The following STK39 variants were observed in gnomAD, a reference collection of about 807,000 sequenced individuals.
STK39 encodes serine/threonine kinase 39.
In STK39, 20 loss-of-function variants were observed where a neutral mutation model predicts 77.8. That is an observed-to-expected ratio of 0.26 (90% CI 0.18 to 0.37). The LOEUF is 0.37. Ranked by LOEUF, STK39 falls within the 10% of genes least tolerant of loss-of-function variation. STK39 has a pLI of 1.00. For missense variants in STK39, 479 were observed against 656.5 expected, an observed-to-expected ratio of 0.73 and a Z score of 2.95; for synonymous variants, 246 against 234.1, an observed-to-expected ratio of 1.05 and a Z score of -0.47.
intron 8 of STK39, among the ~76,000 whole-genome samples, chr2:168,136,907 A>C (rs1298895465): frequency 6.6e-6 from 1 of 152,262 alleles, no homozygotes; most frequent in African/African-American, 2.4e-5. Flanking sequence ...AGGTATGACA[A>C]AATAATCATC....
chr2:168,016,167 A>T (rs1684398741), intron 15 of STK39, among the ~76,000 whole-genome samples: 1 of 152,062 alleles, frequency 6.6e-6, no homozygotes, highest in Non-Finnish European at 1.5e-5. Flanking sequence ...GCCTCAAGTG[A>T]TCCACCCACC....
chr2:168,033,241 C>T (rs1320890095), intron 14 of STK39, among the ~76,000 whole-genome samples: 1 of 150,104 alleles, frequency 6.7e-6, no homozygotes, highest in East Asian at 1.9e-4. Context: ...CAAGTAACAC[C>T]AGCAAAAAGA....
intron 1 of STK39, among the ~76,000 whole-genome samples, chr2:168,230,437 C>G (rs2105259294): frequency 6.6e-6 from 1 of 152,330 alleles, no homozygotes; most frequent in Middle Eastern, 3.4e-3. Context: ...GGCCAGCCAA[C>G]AGCCACCACC....
chr2:168,197,792 T>C (rs1440933420), intron 1 of STK39, among the ~76,000 whole-genome samples: 1 of 152,146 alleles, frequency 6.6e-6, no homozygotes, highest in Non-Finnish European at 1.5e-5. Flanking sequence ...TCCCAGCACT[T>C]TGGGAGGCTG....
chr2:168,198,910 A>G (rs1689541944), intron 1 of STK39, among the ~76,000 whole-genome samples: 1 of 152,226 alleles, frequency 6.6e-6, no homozygotes, highest in African/African-American at 2.4e-5. Context: ...AGGGAGAGAG[A>G]TTACTATACT....
chr2:168,143,033 T>A (rs539099541), intron 5 of STK39, among the ~76,000 whole-genome samples: 2 of 152,170 alleles, frequency 1.3e-5, no homozygotes, highest in Non-Finnish European at 2.9e-5. Context: ...AAGGGGTACA[T>A]CTATACAGCC....
At chr2:168,002,575 T>C (rs1007074928) in intron 16 of STK39, among the ~76,000 whole-genome samples, 1 of 152,204 alleles carries the variant, frequency 6.6e-6, no homozygotes. Context: ...TTTAGTTTTC[T>C]AGGAATTCTT....
intron 10 of STK39, among the ~76,000 whole-genome samples, chr2:168,086,974 C>A (rs1686384423): frequency 6.6e-6 from 1 of 152,184 alleles, no homozygotes; most frequent in Admixed American, 6.5e-5. Flanking sequence ...AAAGCAGAAT[C>A]CAATTTTGTA....
chr2:168,234,731 T>A (rs1271829681), intron 1 of STK39, among the ~76,000 whole-genome samples: 1 of 152,218 alleles, frequency 6.6e-6, no homozygotes, highest in Non-Finnish European at 1.5e-5. Flanking sequence ...ACATGTTACA[T>A]AAACATGCCC....
At chr2:168,021,724 T>C (rs1372252916) in intron 14 of STK39, among the ~76,000 whole-genome samples, 1 of 152,038 alleles carries the variant, frequency 6.6e-6, no homozygotes, top group Non-Finnish European at 1.5e-5. Context: ...TTTGGTAAGG[T>C]ACAGCCTCTT....
chr2:168,168,607 A>T (rs921732360), intron 2 of STK39, among the ~76,000 whole-genome samples: 1 of 152,210 alleles, frequency 6.6e-6, no homozygotes, highest in Non-Finnish European at 1.5e-5. Context: ...CCTAATCCTC[A>T]TACTACTAAA....
At chr2:168,074,294 C>T (rs1012395524) in intron 12 of STK39, among the ~76,000 whole-genome samples, 1 of 152,210 alleles carries the variant, frequency 6.6e-6, no homozygotes, top group African/African-American at 2.4e-5. Context: ...ACATTAATTA[C>T]TAGGTCTGTA....
intron 10 of STK39, among the ~76,000 whole-genome samples, chr2:168,090,944 G>C (rs1307387251): frequency 6.6e-6 from 1 of 152,184 alleles, no homozygotes. Context: ...GCCAAATAAT[G>C]ACAGAGCTGA....
chr2:167,964,729 G>A lies in STK39; in HGVS notation c.1499-3C>T. 6.8e-6 allele frequency: 11 copies of A among 1,608,022 alleles called. No homozygotes were observed. The highest frequency in any genetic ancestry group is 9.3e-6 in the Non-Finnish European group (11 of 1,176,932). ...AATCTTCTGTAAATTAGCAGCCACT[G>A]TAAAATATAAACGTAGAGAGAAAGT... On this transcript the variant is annotated splice_region_variant and splice_polypyrimidine_tract_variant and intron_variant, in intron 16 of 17. Transcript: ENST00000355999.
intron 14 of STK39, among the ~76,000 whole-genome samples, chr2:168,028,475 T>C (rs1684756656): frequency 6.6e-6 from 1 of 152,208 alleles, no homozygotes; most frequent in South Asian, 2.1e-4. Context: ...GTCTAGTGAA[T>C]ATATTTATTG....
chr2:168,192,535 T>C (rs1184983249), intron 1 of STK39, among the ~76,000 whole-genome samples: 3 of 152,170 alleles, frequency 2.0e-5, no homozygotes, highest in Non-Finnish European at 4.4e-5. Context: ...CACCCCAATC[T>C]ACTTCCTCTG....
At chr2:168,205,012 G>A (rs1305298175) in intron 1 of STK39, among the ~76,000 whole-genome samples, 2 of 152,214 alleles carry the variant, frequency 1.3e-5, no homozygotes, top group South Asian at 2.1e-4. Flanking sequence ...ACTTTGAAAT[G>A]TACGGAAAAA....
At chr2:168,010,139 TCTTGCCCAATAGGAGA>T (rs1684234223) in intron 16 of STK39, among the ~76,000 whole-genome samples, 1 of 152,226 alleles carries the variant, frequency 6.6e-6, no homozygotes, top group African/African-American at 2.4e-5. Context: ...ATCCTTGGCT[TCTTGCCCAATAGGAGA>T]CATTAGTAGG....
chr2:167,971,094 C>T (rs1038655384), intron 16 of STK39, among the ~76,000 whole-genome samples: 1 of 152,190 alleles, frequency 6.6e-6, no homozygotes, highest in African/African-American at 2.4e-5. Flanking sequence ...ACTGAGTGAA[C>T]ATGCAAGGTA....
Sources: allele counts gnomAD v4.1 joint callset (sites outside exome capture counted in the v4.1 genomes callset), GRCh38; gene constraint gnomAD v4.1.1; transcripts MANE v1.5; gene names NCBI Gene and HGNC (gene_info 2026-07-23, HGNC 2026-07-21).